CADM1: variants seen among roughly 807,000 people sequenced by gnomAD.
The protein encoded by CADM1 is TSLC-1.
A neutral mutation model predicts 53.1 loss-of-function variants in CADM1; 15 were observed. That is an observed-to-expected ratio of 0.28 (90% confidence interval 0.19 to 0.44). The LOEUF (loss-of-function observed/expected upper bound fraction) is 0.44. CADM1 is among the 20% of genes least tolerant of loss of function. CADM1 has a pLI of 1.00. For missense variants in CADM1, 434 were observed against 611.3 expected (o/e 0.71, Z 3.06); for synonymous variants, 281 against 243.0 (o/e 1.16, Z -1.45).
At chr11:115,473,364 C>T (rs1412286430) in intron 1 of CADM1, among the ~76,000 whole-genome samples, 3 of 152,076 alleles carry the variant, frequency 2.0e-5, no homozygotes, top group Non-Finnish European at 4.4e-5. Context: ...GAGGCAAAGG[C>T]GGGAGGTTCA....
At chr11:115,452,053 T>C (rs1482240587) in intron 1 of CADM1, among the ~76,000 whole-genome samples, 1 of 149,238 alleles carries the variant, frequency 6.7e-6, no homozygotes, top group Non-Finnish European at 1.5e-5. Flanking sequence ...AGATATGTCC[T>C]CCCAGGTCTA....
At chr11:115,480,978 A>T (rs2135409400) in intron 1 of CADM1, among the ~76,000 whole-genome samples, 1 of 151,674 alleles carries the variant, frequency 6.6e-6, no homozygotes, top group Non-Finnish European at 1.5e-5. Context: ...GTCAGTGATC[A>T]ACTCTCACTT....
At chr11:115,354,543 A>ACTG (rs1417133001) in intron 1 of CADM1, among the ~76,000 whole-genome samples, 1 of 152,186 alleles carries the variant, frequency 6.6e-6, no homozygotes, top group African/African-American at 2.4e-5. Context: ...ACAGCCAACA[A>ACTG]CTGCTTAAAG....
At chr11:115,427,418 G>C (rs1211560449) in intron 1 of CADM1, among the ~76,000 whole-genome samples, 2 of 152,200 alleles carry the variant, frequency 1.3e-5, no homozygotes, top group East Asian at 3.9e-4. Context: ...AGCAGGTGTA[G>C]AATGATGAGG....
At chr11:115,386,681 C>A (rs1488402442) in intron 1 of CADM1, among the ~76,000 whole-genome samples, 2 of 143,816 alleles carry the variant, frequency 1.4e-5, no homozygotes, top group Admixed American at 7.1e-5. Flanking sequence ...ATCCACTAAT[C>A]CATGAATAGA....
intron 7 of CADM1, 113 bp downstream of exon 7, chr11:115,214,495 G>A: frequency 9.3e-7 from 1 of 1,076,744 alleles, no homozygotes; most frequent in Non-Finnish European, 1.4e-6. Flanking sequence ...AGTTCTAGAA[G>A]GAAACCAACT....
chr11:115,498,386 C>G (rs117523127), intron 1 of CADM1, among the ~76,000 whole-genome samples: 1 of 152,160 alleles, frequency 6.6e-6, no homozygotes, highest in Admixed American at 6.5e-5. Flanking sequence ...GACAAATATA[C>G]GAATGGGGTA....
intron 1 of CADM1, among the ~76,000 whole-genome samples, chr11:115,248,100 T>G (rs1194058874): frequency 2.0e-5 from 3 of 152,238 alleles, no homozygotes; most frequent in African/African-American, 7.2e-5. Flanking sequence ...AAGACTAATA[T>G]GCATCAAACC....
chr11:115,398,892 C>T (rs1465315006), intron 1 of CADM1, among the ~76,000 whole-genome samples: 2 of 152,122 alleles, frequency 1.3e-5, no homozygotes, highest in Non-Finnish European at 2.9e-5. Flanking sequence ...TGAATCTCAG[C>T]CAAAGACCCT....
At position 115,175,563 on chromosome 11, in the gene CADM1, T is replaced by G; in HGVS notation, c.*911A>C. The G allele has an allele frequency of 2.0e-6, 2 of 985,454 alleles. No individual in the cohort carries two copies. The highest frequency in any genetic ancestry group is 1.2e-6 in the Non-Finnish European group (1 of 830,000). 61.0% of individuals were successfully genotyped at this position (985,454 alleles called of 1,614,324 possible). A position where few individuals can be genotyped will look rare whatever the true frequency, so the allele number is the denominator to read the frequency against. The stretch of plus-strand genomic sequence containing the variant: ...TTCCCCTCCTGTGGCAACTCAAAAT[T>G]TGTCCACTTATATAAAAGGAACAGA... On this transcript the variant is annotated 3_prime_UTR_variant, in exon 12 of 12. Coordinates refer to ENST00000331581, the MANE Select transcript of CADM1 (RefSeq NM_001301043.2).
intron 1 of CADM1, among the ~76,000 whole-genome samples, chr11:115,501,153 G>C (rs1351090752): frequency 6.6e-6 from 1 of 151,932 alleles, no homozygotes; most frequent in African/African-American, 2.4e-5. Context: ...AGCTTGTCTC[G>C]TCACACAAGT....
chr11:115,436,464 T>C (rs1419468989), intron 1 of CADM1, among the ~76,000 whole-genome samples: 1 of 152,210 alleles, frequency 6.6e-6, no homozygotes, highest in Admixed American at 6.5e-5. Context: ...CCACCTGGCA[T>C]TCTCTTCCTG....
intron 10 of CADM1, among the ~76,000 whole-genome samples, chr11:115,185,654 G>C (rs976044864): frequency 6.6e-6 from 1 of 152,200 alleles, no homozygotes; most frequent in Admixed American, 6.5e-5. Context: ...CACCGCCAGA[G>C]ACACCAGAAG....
chr11:115,263,340 A>C (rs533298345), intron 1 of CADM1, among the ~76,000 whole-genome samples: 25 of 152,362 alleles, frequency 1.6e-4, no homozygotes, highest in African/African-American at 5.1e-4. Context: ...GAATTTGTAG[A>C]TATATGTGTA....
chr11:115,220,578 T>C (rs1941367175), intron 5 of CADM1, among the ~76,000 whole-genome samples: 1 of 152,208 alleles, frequency 6.6e-6, no homozygotes, highest in Admixed American at 6.5e-5. Flanking sequence ...AGCGTTAGTC[T>C]TGCCTGCATT....
At position 115,238,889 on chromosome 11, in the gene CADM1, T is replaced by C. The variant is rs561183249; in HGVS notation, c.272-237A>G. Among the ~76,000 whole-genome samples the C allele has an allele frequency of 6.6e-5, 10 of 152,104 alleles. No homozygotes were observed. The South Asian group carries it at 2.1e-3, about 32-fold the overall frequency. On this transcript the variant is annotated intron_variant, in intron 2 of 11. Coordinates refer to ENST00000331581, the MANE Select transcript of CADM1 (RefSeq NM_001301043.2). ...ATATATATATATGCACACATATATA[T>C]ATATGCACACACACCCAGCTACGCA...
At chr11:115,213,577 T>A (rs6589486) in intron 7 of CADM1, among the ~76,000 whole-genome samples, 3 of 152,042 alleles carry the variant, frequency 2.0e-5, no homozygotes, top group Non-Finnish European at 4.4e-5. Context: ...TTAAAAAGAC[T>A]GCCACTCCTA....
chr11:115,488,287 A>C (rs909375950), intron 1 of CADM1, among the ~76,000 whole-genome samples: 86 of 152,210 alleles, frequency 5.7e-4, no homozygotes, highest in African/African-American at 1.9e-3. Flanking sequence ...AGCCTTAGGC[A>C]GGGAAAAGGG....
chr11:115,389,685 C>T (rs1946785651), intron 1 of CADM1, among the ~76,000 whole-genome samples: 1 of 151,992 alleles, frequency 6.6e-6, no homozygotes, highest in Non-Finnish European at 1.5e-5. Context: ...AAGGAAAAAC[C>T]TTAGACAAAA....
Sources: gnomAD v4.1 joint callset for allele counts (sites outside exome capture counted in the v4.1 genomes callset) on GRCh38, gnomAD v4.1.1 for gene constraint, MANE v1.5 for transcripts, NCBI Gene and HGNC (gene_info 2026-07-23, HGNC 2026-07-21) for gene names.